MCC: variants seen among roughly 807,000 people sequenced by gnomAD.
The protein encoded by MCC is colorectal mutant cancer protein.
In MCC, 90 loss-of-function variants were observed where a neutral mutation model predicts 116.2. The observed-to-expected ratio is 0.77, with a 90% CI of 0.65 to 0.92. MCC has a LOEUF of 0.92. MCC is among the 40% of genes least tolerant of loss of function. The pLI, the probability that MCC is intolerant of heterozygous loss-of-function variation, is 0.00. For missense variants in MCC, 1,516 were observed against 1,312.2 expected (o/e 1.16, Z -2.40); for synonymous variants, 578 against 510.5 (o/e 1.13, Z -1.78).
At chr5:113,173,568 T>G (rs1761180643) in intron 3 of MCC, among the ~76,000 whole-genome samples, 1 of 152,206 alleles carries the variant, frequency 6.6e-6, no homozygotes, top group Non-Finnish European at 1.5e-5. Flanking sequence ...ACCACTAAAC[T>G]TCTATTCTCC....
At chr5:113,071,902 C>T (rs2150234619) in intron 11 of MCC, among the ~76,000 whole-genome samples, 1 of 152,290 alleles carries the variant, frequency 6.6e-6, no homozygotes, top group Admixed American at 6.5e-5. Context: ...ATGGATTGTA[C>T]CCAAAGCTGC....
chr5:113,294,710 C>A, intron 3 of MCC: 1 of 1,014,072 alleles, frequency 9.9e-7, no homozygotes, highest in Non-Finnish European at 1.2e-6. Flanking sequence ...ACCCTGGGCG[C>A]CGCCTCGCCA....
chr5:113,086,424 A>G (rs1249816997), intron 8 of MCC, among the ~76,000 whole-genome samples: 2 of 152,238 alleles, frequency 1.3e-5, no homozygotes. Context: ...GAGAAGAGAC[A>G]TTGATGGAGC....
At chr5:113,418,774 T>C (rs988655885) in intron 1 of MCC, among the ~76,000 whole-genome samples, 1 of 152,092 alleles carries the variant, frequency 6.6e-6, no homozygotes, top group African/African-American at 2.4e-5. Flanking sequence ...AGAAAACGTA[T>C]ATGAATCTAT....
At chr5:113,297,540 G>A (rs1766744342) in intron 3 of MCC, among the ~76,000 whole-genome samples, 1 of 151,780 alleles carries the variant, frequency 6.6e-6, no homozygotes, top group Non-Finnish European at 1.5e-5. Flanking sequence ...ACTCCAGCCT[G>A]GGCAACAGAG....
At chr5:113,406,072 G>A (rs973347907) in intron 1 of MCC, among the ~76,000 whole-genome samples, 1 of 152,016 alleles carries the variant, frequency 6.6e-6, no homozygotes. Context: ...TAAATTAAAA[G>A]TTCACAGGTT....
chr5:113,302,263 A>T (rs547968552), intron 3 of MCC, among the ~76,000 whole-genome samples: 9 of 152,184 alleles, frequency 5.9e-5, no homozygotes, highest in African/African-American at 1.9e-4. Flanking sequence ...CACAAAAAAA[A>T]CCCTATATAA....
At chr5:113,459,907 G>A (rs757674053) in intron 1 of MCC, among the ~76,000 whole-genome samples, 26 of 151,290 alleles carry the variant, frequency 1.7e-4, no homozygotes, top group Non-Finnish European at 3.7e-4. Context: ...TGGATATTTA[G>A]ATAGATATTT....
intron 5 of MCC, among the ~76,000 whole-genome samples, chr5:113,128,343 G>A (rs753688676): frequency 2.4e-4 from 36 of 152,192 alleles, no homozygotes; most frequent in Non-Finnish European, 3.4e-4. Flanking sequence ...TTTTTTGGGC[G>A]AACTGCATTC....
Position 113,085,197 on chromosome 5 carries a change from T to TGTGCTCAGCTCCCCA in MCC, c.1497_1511dup (p.Gly500_Thr504dup), listed in dbSNP as rs769396023. The TGTGCTCAGCTCCCCA allele has an allele frequency of 6.2e-7, 1 of 1,614,176 alleles. No individual in the cohort carries two copies. The highest frequency in any genetic ancestry group is 1.3e-5 in the African/African-American group (1 of 75,044). ...TGGGAATGTCATTGCTGCTGCTGCT[T>TGTGCTCAGCTCCCCA]GTGCTCAGCTCCCCAGTGCTGGGGT... On this transcript the variant is annotated inframe_insertion, in exon 9 of 19. Transcript: ENST00000408903.
intron 1 of MCC, among the ~76,000 whole-genome samples, chr5:113,404,082 G>A: frequency 6.6e-6 from 1 of 152,058 alleles, no homozygotes; most frequent in East Asian, 1.9e-4. Context: ...GGCCAGGCTA[G>A]TCTTGAACTC....
At chr5:113,285,984 C>T (rs1234737224) in intron 3 of MCC, among the ~76,000 whole-genome samples, 1 of 152,188 alleles carries the variant, frequency 6.6e-6, no homozygotes, top group East Asian at 1.9e-4. Flanking sequence ...GTTAATCCAA[C>T]ACATCTGTCA....
At position 113,457,737 on chromosome 5, in the gene MCC, G is replaced by C. The variant is rs1771615758; in HGVS notation, c.170+30508C>G. Among the ~76,000 whole-genome samples the C allele has an allele frequency of 1.4e-5, 2 of 141,376 alleles. 1 individual carries two copies. The allele number at this position is 141,376 out of a possible 152,430, so 92.7% of individuals were successfully genotyped here. A position where few individuals can be genotyped will look rare whatever the true frequency, so the allele number is the denominator to read the frequency against. ...GCACCCTGTGTCTAGCTCAGGGGTT[G>C]TGAGTGCACCAATGGACACTGTATC... On this transcript the variant is annotated intron_variant, in intron 1 of 18. Coordinates refer to ENST00000408903, the MANE Select transcript of MCC (RefSeq NM_001085377.2).
intron 1 of MCC, among the ~76,000 whole-genome samples, chr5:113,456,948 G>T (rs181098102): frequency 1.7e-3 from 255 of 152,260 alleles, no homozygotes; most frequent in Non-Finnish European, 2.6e-3. Flanking sequence ...AAGCAGGGAG[G>T]GGATGAAATC....
intron 11 of MCC, among the ~76,000 whole-genome samples, chr5:113,074,204 C>T (rs376540722): frequency 1.3e-5 from 2 of 152,226 alleles, no homozygotes; most frequent in African/African-American, 4.8e-5. Flanking sequence ...GATCAGGCAG[C>T]AACATCTGCC....
intron 3 of MCC, among the ~76,000 whole-genome samples, chr5:113,190,147 C>G (rs1762082747): frequency 1.3e-5 from 2 of 152,320 alleles, no homozygotes; most frequent in South Asian, 4.1e-4. Context: ...CTATAACAGT[C>G]TTGGCCAAAC....
chr5:113,332,597 C>CTAGTACA (rs1767726974), intron 3 of MCC, among the ~76,000 whole-genome samples: 1 of 143,496 alleles, frequency 7.0e-6, no homozygotes, highest in Non-Finnish European at 1.5e-5. Context: ...ATAGAAGAAA[C>CTAGTACA]TAGTACATAT....
chr5:113,023,279 G>A lies in MCC; in HGVS notation c.*4023C>T, dbSNP rs1021062936. The A allele has an allele frequency of 2.0e-5, 3 of 152,200 alleles. No homozygotes were observed. The highest frequency in any genetic ancestry group is 6.5e-5 in the Admixed American group (1 of 15,282). 9.4% of individuals were successfully genotyped at this position (152,200 alleles called of 1,614,324 possible). ...ACTTTAAGAACTGGATAGTGAAGGC[G>A]TAACTTTTGTTTTGTAACCAGTTAC... On this transcript the variant is annotated 3_prime_UTR_variant, in exon 19 of 19. Transcript: ENST00000408903.
At chr5:113,090,393 C>T (rs1007927666) in intron 8 of MCC, among the ~76,000 whole-genome samples, 6 of 151,240 alleles carry the variant, frequency 4.0e-5, no homozygotes, top group African/African-American at 1.5e-4. Flanking sequence ...GCAGCACTGA[C>T]AGCTCAGTTG....
Sources: allele counts gnomAD v4.1 joint callset (sites outside exome capture counted in the v4.1 genomes callset), GRCh38; gene constraint gnomAD v4.1.1; transcripts MANE v1.5; gene names NCBI Gene and HGNC (gene_info 2026-07-23, HGNC 2026-07-21).